PLPPR5: variants seen among roughly 807,000 people sequenced by gnomAD.
The protein encoded by PLPPR5 is phospholipid phosphatase-related protein type 5.
PLPPR5 carries 16 observed loss-of-function variants against 33.9 expected under a neutral mutation model. The observed-to-expected ratio is 0.47, with a 90% confidence interval of 0.32 to 0.72. The LOEUF is 0.72. PLPPR5 is among the 30% of genes least tolerant of loss of function. The pLI, the probability that PLPPR5 is intolerant of heterozygous loss-of-function variation, is 0.03. For synonymous variants in PLPPR5, 163 were observed against 150.3 expected, an observed-to-expected ratio of 1.08 and a Z score of -0.62; for missense variants, 301 against 406.7, an observed-to-expected ratio of 0.74 and a Z score of 2.23.
chr1:98,935,772 C>A (rs936333033), intron 3 of PLPPR5, among the ~76,000 whole-genome samples: 2 of 152,166 alleles, frequency 1.3e-5, no homozygotes, highest in Non-Finnish European at 2.9e-5. Flanking sequence ...ATGTTGATTA[C>A]TTGCTCACTC....
At chr1:98,896,282 A>T (rs1648469372) in intron 5 of PLPPR5, among the ~76,000 whole-genome samples, 1 of 152,120 alleles carries the variant, frequency 6.6e-6, no homozygotes, top group Non-Finnish European at 1.5e-5. Context: ...ATTGTGTTTA[A>T]TATTTTCAGA....
At chr1:98,910,863 C>T (rs1307581583) in intron 5 of PLPPR5, among the ~76,000 whole-genome samples, 3 of 149,724 alleles carry the variant, frequency 2.0e-5, no homozygotes, top group Admixed American at 6.7e-5. Context: ...AAACTCCACA[C>T]AGACAGCAGC....
intron 3 of PLPPR5, among the ~76,000 whole-genome samples, chr1:98,931,453 G>A (rs1455324239): frequency 2.0e-5 from 3 of 152,142 alleles, no homozygotes; most frequent in African/African-American, 7.2e-5. Flanking sequence ...ATGGACTTAA[G>A]GCTAAAAGGT....
chr1:99,005,176 G>A (rs1041934069), upstream of PLPPR5: 2 of 151,750 alleles, frequency 1.3e-5, no homozygotes, highest in Non-Finnish European at 2.9e-5. Flanking sequence ...AAAAGGGGGG[G>A]AGGGGAGGCA....
chr1:98,968,947 T>G (rs905295781), intron 1 of PLPPR5, among the ~76,000 whole-genome samples: 4 of 152,072 alleles, frequency 2.6e-5, no homozygotes, highest in Non-Finnish European at 4.4e-5. Flanking sequence ...TTGCTTCATT[T>G]TAGGAAGAAA....
At chr1:98,998,499 T>C (rs529696246) in intron 1 of PLPPR5, among the ~76,000 whole-genome samples, 6 of 152,254 alleles carry the variant, frequency 3.9e-5, no homozygotes, top group East Asian at 1.9e-4. Context: ...ACACCACCCA[T>C]TGAAATCATC....
intron 1 of PLPPR5, among the ~76,000 whole-genome samples, chr1:99,001,588 A>G (rs924327813): frequency 2.0e-4 from 30 of 150,268 alleles, no homozygotes; most frequent in African/African-American, 7.3e-4. Flanking sequence ...AGCAAGTATG[A>G]AACAAATCTG....
chr1:98,941,147 A>G (rs542577392), intron 3 of PLPPR5, among the ~76,000 whole-genome samples: 2 of 152,062 alleles, frequency 1.3e-5, no homozygotes, highest in East Asian at 3.9e-4. Flanking sequence ...AGAGGGAAGA[A>G]AAGATCTAGA....
chr1:98,988,308 T>C (rs921340371), intron 1 of PLPPR5, among the ~76,000 whole-genome samples: 3 of 152,152 alleles, frequency 2.0e-5, no homozygotes, highest in African/African-American at 4.8e-5. Flanking sequence ...CCAAGTTTAA[T>C]GAGATTAGAC....
At chr1:98,984,989 T>C (rs547813337) in intron 1 of PLPPR5, among the ~76,000 whole-genome samples, 1 of 152,086 alleles carries the variant, frequency 6.6e-6, no homozygotes, top group Admixed American at 6.6e-5. Flanking sequence ...TTCATAAAAA[T>C]TTGTATCTAT....
intron 5 of PLPPR5, among the ~76,000 whole-genome samples, chr1:98,905,580 C>G (rs186254835): frequency 9.9e-4 from 151 of 152,136 alleles, no homozygotes; most frequent in African/African-American, 3.5e-3. Context: ...CTGGTATTAT[C>G]TAGAATTTGT....
chr1:98,996,504 G>C (rs1310754129), intron 1 of PLPPR5, among the ~76,000 whole-genome samples: 1 of 152,014 alleles, frequency 6.6e-6, no homozygotes, highest in Non-Finnish European at 1.5e-5. Flanking sequence ...AGTGAAAACT[G>C]GCATTCTCAC....
chr1:98,905,653 T>C (rs1437547714), intron 5 of PLPPR5, among the ~76,000 whole-genome samples: 1 of 152,158 alleles, frequency 6.6e-6, no homozygotes, highest in Non-Finnish European at 1.5e-5. Flanking sequence ...TTTTATAGTT[T>C]TGTACAGTTT....
At chr1:98,954,566 T>G (rs940516986) in intron 2 of PLPPR5, among the ~76,000 whole-genome samples, 1 of 152,088 alleles carries the variant, frequency 6.6e-6, no homozygotes, top group East Asian at 1.9e-4. Flanking sequence ...TGAAATATTA[T>G]ATAAGATTAC....
At chr1:98,995,877 G>C (rs1362562319) in intron 1 of PLPPR5, among the ~76,000 whole-genome samples, 2 of 152,056 alleles carry the variant, frequency 1.3e-5, no homozygotes, top group African/African-American at 4.8e-5. Context: ...ATGAACTTCA[G>C]TTGGTGTCTG....
intron 3 of PLPPR5, among the ~76,000 whole-genome samples, chr1:98,937,550 G>A (rs72730335): frequency 0.06 from 9,132 of 152,230 alleles, 389 homozygotes; most frequent in Non-Finnish European, 0.09. Context: ...TCACTGTGTG[G>A]AAGCCAAGGC....
rs142554680 is a variant in PLPPR5 at position 98,892,874 on chromosome 1, G to GA, written c.*197dup. On this transcript the variant is annotated 3_prime_UTR_variant, in exon 6 of 6. Coordinates refer to ENST00000263177, the MANE Select transcript of PLPPR5 (RefSeq NM_001037317.2). ...CTTTGTTGTAAGTGCTGGGGACACA[G>GA]AAAAAAAAAGACAATCCTGCCCTCG... 0.17 allele frequency: 92,027 copies of GA among 533,396 alleles called. 6,753 individuals are homozygous for GA. Among genetic ancestry groups the GA allele is most frequent in the Non-Finnish European group, 0.2 (61,471 of 306,432 alleles). The allele number at this position is 533,396 out of a possible 1,614,324, so 33.0% of individuals were successfully genotyped here.
intron 1 of PLPPR5, among the ~76,000 whole-genome samples, chr1:98,973,139 A>C: frequency 6.6e-6 from 1 of 151,982 alleles, no homozygotes; most frequent in East Asian, 1.9e-4. Context: ...TGACAGAATA[A>C]ATTTTCCTAA....
chr1:98,902,147 A>G (rs1051196695), intron 5 of PLPPR5, among the ~76,000 whole-genome samples: 10 of 152,008 alleles, frequency 6.6e-5, no homozygotes, highest in African/African-American at 2.4e-4. Context: ...GACTTCACAT[A>G]TTTTATATGT....
Sources: gnomAD v4.1 joint callset for allele counts (sites outside exome capture counted in the v4.1 genomes callset) on GRCh38, gnomAD v4.1.1 for gene constraint, MANE v1.5 for transcripts, NCBI Gene and HGNC (gene_info 2026-07-23, HGNC 2026-07-21) for gene names.